ATP9A: variants seen among roughly 807,000 people sequenced by gnomAD.
The protein encoded by ATP9A is ATPase phospholipid transporting 9A.
A neutral mutation model predicts 144.1 loss-of-function variants in ATP9A; 52 were observed. The observed-to-expected ratio is 0.36, with a 90% CI of 0.29 to 0.45. The LOEUF is 0.45. ATP9A is among the 20% of genes least tolerant of loss of function. The pLI is 1.00. For missense variants in ATP9A, 947 were observed against 1,392.7 expected (o/e 0.68, Z 5.09); for synonymous variants, 582 against 557.4 (o/e 1.04, Z -0.62).
At chr20:51,764,526 C>T (rs1007077672) in intron 1 of ATP9A, among the ~76,000 whole-genome samples, 1 of 152,218 alleles carries the variant, frequency 6.6e-6, no homozygotes, top group Admixed American at 6.5e-5. Flanking sequence ...CCAGAAATAA[C>T]TGCATTCTGT....
At chr20:51,609,080 C>T (rs1483844119) in intron 24 of ATP9A, among the ~76,000 whole-genome samples, 1 of 151,952 alleles carries the variant, frequency 6.6e-6, no homozygotes, top group Non-Finnish European at 1.5e-5. Flanking sequence ...ACCACCAGTG[C>T]AAAGGCACTG....
In ATP9A at chr20:51,739,991, G is replaced by C. The variant is rs79218657; in HGVS notation, c.69-10013C>G. Among the ~76,000 whole-genome samples, 83 of 152,300 alleles carry C rather than the reference G, an allele frequency of 5.4e-4. No homozygotes were observed. The East Asian group carries it at 0.014, about 26-fold the overall frequency. On this transcript the variant is annotated intron_variant, in intron 1 of 27. Transcript: ENST00000338821. ...AGATTCACCCACCCCTGGACTTTCAGTCTCAGAGTCAATAAAATAGCTTTT... is the reference window on the plus strand; with the variant it reads ...AGATTCACCCACCCCTGGACTTTCACTCTCAGAGTCAATAAAATAGCTTTT...
intron 1 of ATP9A, among the ~76,000 whole-genome samples, chr20:51,745,254 G>C (rs143573789): frequency 0.017 from 2,467 of 143,386 alleles, 71 homozygotes; most frequent in African/African-American, 0.061. Flanking sequence ...GTGACAGAGC[G>C]AGACTCCGTC....
intron 3 of ATP9A, among the ~76,000 whole-genome samples, chr20:51,721,347 G>A (rs935845346): frequency 6.6e-6 from 1 of 152,182 alleles, no homozygotes; most frequent in Non-Finnish European, 1.5e-5. Flanking sequence ...TAAGTTGGGC[G>A]TGTCGGCTCA....
intron 21 of ATP9A, 68 bp downstream of exon 21, chr20:51,618,594 T>G: frequency 6.5e-7 from 1 of 1,538,378 alleles, no homozygotes; most frequent in Non-Finnish European, 8.7e-7. Context: ...TGTCCAAATA[T>G]CCTTAGGGAA....
rs1369850567 is a variant in ATP9A, at chr20:51,725,866, C to A, written c.280G>T (p.Val94Phe). ...AGTGCACCAAGTCTCATTTCGGGAACAAACTGAGAGCAGGCAAGAAGTAAG... is the reference window on the plus strand; with the variant it reads ...AGTGCACCAAGTCTCATTTCGGGAAAAAACTGAGAGCAGGCAAGAAGTAAG... ...YFLLLACSQF[V>F]PEMRLGALYT... The change falls in exon 3 of 28, where the codon GTT becomes TTT. Residue 94 changes from valine (V) to phenylalanine (F), a missense_variant. Around this residue, in one of 2 missense-constraint regions of ATP9A, gnomAD observed 770 missense variants for 1,047.9 expected, o/e 0.73. Coordinates refer to ENST00000338821, the MANE Select transcript of ATP9A (RefSeq NM_006045.3). The A allele has an allele frequency of 6.2e-7, 1 of 1,613,886 alleles. No homozygotes were observed. The highest frequency in any genetic ancestry group is 1.3e-5 in the African/African-American group (1 of 75,016).
chr20:51,763,382 G>A (rs1478376290), intron 1 of ATP9A, among the ~76,000 whole-genome samples: 4 of 150,046 alleles, frequency 2.7e-5, no homozygotes, highest in Admixed American at 6.7e-5. Flanking sequence ...GCGCGATCTC[G>A]GCTCACTGCC....
At chr20:51,604,479 G>C (rs2077155434) in intron 27 of ATP9A, among the ~76,000 whole-genome samples, 1 of 152,148 alleles carries the variant, frequency 6.6e-6, no homozygotes, top group African/African-American at 2.4e-5. Context: ...CCTTTTATCA[G>C]TTTCATAGAT....
chr20:51,692,026 G>T (rs2077550538), intron 7 of ATP9A, among the ~76,000 whole-genome samples: 1 of 152,212 alleles, frequency 6.6e-6, no homozygotes, highest in Non-Finnish European at 1.5e-5. Context: ...TCCACTTATA[G>T]GAGGAACTTA....
intron 14 of ATP9A, among the ~76,000 whole-genome samples, chr20:51,640,762 G>C (rs1226539436): frequency 6.6e-6 from 1 of 152,188 alleles, no homozygotes; most frequent in South Asian, 2.1e-4. Context: ...GGGCTGAGTG[G>C]GGGCTGTGGC....
chr20:51,708,089 A>G (rs889731102), intron 4 of ATP9A, among the ~76,000 whole-genome samples: 2 of 152,172 alleles, frequency 1.3e-5, no homozygotes, highest in Non-Finnish European at 1.5e-5. Context: ...TTTGATTATC[A>G]AAGTACTTCA....
At chr20:51,736,304 A>G (rs1254306175) in intron 1 of ATP9A, among the ~76,000 whole-genome samples, 1 of 152,174 alleles carries the variant, frequency 6.6e-6, no homozygotes, top group Non-Finnish European at 1.5e-5. Flanking sequence ...TCTAGATGTT[A>G]CTCCATACAC....
At chr20:51,727,574 T>C (rs2077720569) in intron 2 of ATP9A, among the ~76,000 whole-genome samples, 1 of 150,784 alleles carries the variant, frequency 6.6e-6, no homozygotes, top group Admixed American at 6.6e-5. Context: ...TGACAATGAG[T>C]CCCCCACCTC....
intron 14 of ATP9A, among the ~76,000 whole-genome samples, chr20:51,645,323 C>T (rs1163673098): frequency 6.6e-6 from 1 of 152,136 alleles, no homozygotes; most frequent in African/African-American, 2.4e-5. Context: ...AGTTTGAGAC[C>T]AGCCTGGCCA....
chr20:51,636,311 C>T (rs1047887291), intron 15 of ATP9A, among the ~76,000 whole-genome samples: 17 of 152,248 alleles, frequency 1.1e-4, no homozygotes, highest in African/African-American at 2.6e-4. Context: ...CACAATGGCA[C>T]ACAACTTAAA....
At chr20:51,744,578 T>A (rs1425308364) in intron 1 of ATP9A, among the ~76,000 whole-genome samples, 1 of 152,232 alleles carries the variant, frequency 6.6e-6, no homozygotes. Context: ...TTTCATACAA[T>A]CTGGCTGAAA....
rs1289519609 is a variant in ATP9A at position 51,600,557 on chromosome 20, A to G, written c.*654T>C. ...AGATCAAGGATAACAGATTGGACTT[A>G]GGACACTCTCTCTCCCTCTCCTCTC... is the stretch of plus-strand genomic sequence containing the variant. On this transcript the variant is annotated 3_prime_UTR_variant, in exon 28 of 28. Transcript: ENST00000338821. 6.6e-6 allele frequency: 1 copy of G among 152,174 alleles called. No homozygotes were observed. The highest frequency in any genetic ancestry group is 2.4e-5 in the African/African-American group (1 of 41,432). The allele number at this position is 152,174 out of a possible 1,614,324, so 9.4% of individuals were successfully genotyped here. A position where few individuals can be genotyped will look rare whatever the true frequency, so the allele number is the denominator to read the frequency against.
At chr20:51,693,867 C>G in intron 7 of ATP9A, 141 bp downstream of exon 7, 1 of 688,798 alleles carries the variant, frequency 1.5e-6, no homozygotes, top group South Asian at 1.9e-5. Flanking sequence ...CAACTAGGCC[C>G]AGGGGCTCTC....
chr20:51,726,924 A>G (rs2077716768), intron 2 of ATP9A, among the ~76,000 whole-genome samples: 1 of 101,396 alleles, frequency 9.9e-6, no homozygotes, highest in Non-Finnish European at 1.8e-5. Context: ...TTTGAGACGG[A>G]GCCTTGCTCT....
Sources: allele counts gnomAD v4.1 joint callset (sites outside exome capture counted in the v4.1 genomes callset), GRCh38; gene constraint gnomAD v4.1.1; regional missense constraint gnomAD v4.1.1; transcripts MANE v1.5; gene names NCBI Gene and HGNC (gene_info 2026-07-23, HGNC 2026-07-21).